PCDHGB2: variants seen among roughly 807,000 people sequenced by gnomAD.
The protein encoded by PCDHGB2 is protocadherin gamma subfamily B, 2, also known as protocadherin gamma-B2.
PCDHGB2 carries 55 observed loss-of-function variants against 59.3 expected under a neutral mutation model. The observed-to-expected ratio is 0.93, with a 90% CI of 0.75 to 1.16. The LOEUF is 1.16. PCDHGB2 is among the 50% of genes most tolerant of loss of function. The pLI, the probability that PCDHGB2 is intolerant of heterozygous loss-of-function variation, is 0.00. For synonymous variants in PCDHGB2, 516 were observed against 512.0 expected, an observed-to-expected ratio of 1.01 and a Z score of -0.11; for missense variants, 1,228 against 1,198.5, an observed-to-expected ratio of 1.02 and a Z score of -0.36.
In PCDHGB2 at chr5:141,406,998, A is replaced by G. The variant is rs138992041; in HGVS notation, c.2421+44442A>G. ...AACATTTCACAAGACATTTGAAAAT[A>G]AGCTTTGAAGTTGACTCAAAATTCT... On this transcript the variant is annotated intron_variant, in intron 1 of 3. Transcript: ENST00000522605. 7.5e-3 allele frequency among the ~76,000 whole-genome samples: 1,140 copies of G among 152,352 alleles called. 5 individuals carry two copies. The highest frequency in any genetic ancestry group is 0.012 in the Non-Finnish European group (837 of 68,024).
intron 1 of PCDHGB2, chr5:141,441,260 A>G (rs1217151195): frequency 1.3e-5 from 2 of 152,222 alleles, no homozygotes; most frequent in Non-Finnish European, 2.9e-5. Context: ...AAATCACAAG[A>G]TCTGGATTCG....
At chr5:141,384,371 T>G (rs1780015620) in intron 1 of PCDHGB2, 2 of 1,613,920 alleles carry the variant, frequency 1.2e-6, no homozygotes, top group Non-Finnish European at 1.7e-6. Context: ...ACTTATTCCT[T>G]GGCCGAAGAC....
Position 141,360,285 on chromosome 5 carries a change from C to A in PCDHGB2, c.150C>A (p.Leu50=). The A allele has an allele frequency of 6.2e-7, 1 of 1,613,972 alleles. No homozygotes were observed. The highest frequency in any genetic ancestry group is 8.5e-7 in the Non-Finnish European group (1 of 1,179,898). Residue 50 remains leucine, a synonymous_variant, in exon 1 of 4, where the codon CTC becomes CTA. Coordinates refer to ENST00000522605, the MANE Select transcript of PCDHGB2 (RefSeq NM_018923.3). ...ELAKNSVVGN[L]AKDLGLSVRD... The stretch of plus-strand genomic sequence containing the variant: ...CCAAAAACTCGGTCGTAGGAAACCT[C>A]GCCAAGGATCTGGGGCTCAGCGTCC...
At chr5:141,366,402 T>C (rs1465149203) in intron 1 of PCDHGB2, 12 of 1,614,168 alleles carry the variant, frequency 7.4e-6, no homozygotes, top group Non-Finnish European at 1.0e-5. Flanking sequence ...GACCTCACAC[T>C]CTATCTTGTG....
At chr5:141,365,060 C>G (rs750087491) in intron 1 of PCDHGB2, 1 of 1,613,874 alleles carries the variant, frequency 6.2e-7, no homozygotes, top group Admixed American at 1.7e-5. Context: ...CCTGTTCACC[C>G]CATCCGAGTA....
intron 1 of PCDHGB2, chr5:141,392,870 G>A (rs757363357): frequency 6.2e-7 from 1 of 1,613,226 alleles, no homozygotes; most frequent in East Asian, 2.2e-5. Flanking sequence ...TGTGCGCGCT[G>A]CTGGGAACGC....
intron 1 of PCDHGB2, among the ~76,000 whole-genome samples, chr5:141,397,268 T>C (rs532503951): frequency 2.0e-5 from 3 of 152,180 alleles, no homozygotes; most frequent in African/African-American, 7.2e-5. Flanking sequence ...CTTAGCTACA[T>C]CATATGGGCA....
At chr5:141,408,974 G>T (rs899313364) in intron 1 of PCDHGB2, 1 of 1,613,690 alleles carries the variant, frequency 6.2e-7, no homozygotes, top group South Asian at 1.1e-5. Flanking sequence ...TCTGCCCCCT[G>T]GGTCCCCTGT....
intron 1 of PCDHGB2, chr5:141,372,483 GC>G (rs762661083): frequency 1.9e-6 from 3 of 1,614,028 alleles, no homozygotes; most frequent in Non-Finnish European, 2.5e-6. Flanking sequence ...AGTGGCGTTG[GC>G]CTTGATCTCA....
chr5:141,413,024 C>A, intron 1 of PCDHGB2: 2 of 736,250 alleles, frequency 2.7e-6, no homozygotes, highest in Non-Finnish European at 4.2e-6. Flanking sequence ...ACAAGCCCCA[C>A]AAACCGGCTG....
chr5:141,432,569 C>T lies in PCDHGB2; in HGVS notation c.2422-62238C>T. The T allele has an allele frequency of 6.2e-7, 1 of 1,613,920 alleles. No homozygotes were observed. On this transcript the variant is annotated intron_variant, in intron 1 of 3. Coordinates refer to ENST00000522605, the MANE Select transcript of PCDHGB2 (RefSeq NM_018923.3). This position sits in a 1 kb window ranked among gnomAD's most constrained non-coding sequence, Gnocchi z 6.0. ...CAGAGACTCCGGCCAGAACGCCTGG[C>T]TGTCCTACCGTCTGCTCAAGGCCAG...
rs529134948 is a variant in PCDHGB2, at chr5:141,368,813, A to C, written c.2421+6257A>C. Among the ~76,000 whole-genome samples, 5 of 152,322 alleles carry C rather than the reference A, an allele frequency of 3.3e-5. No individual in the cohort carries two copies. In the East Asian group the frequency reaches 7.7e-4, roughly 24 times the overall value. ...ATTTTTCATACTAATTGAAGTGTTC[A>C]TACAATGAACACTTGGCATTGTGTT... On this transcript the variant is annotated intron_variant, in intron 1 of 3. Coordinates refer to ENST00000522605, the MANE Select transcript of PCDHGB2 (RefSeq NM_018923.3).
intron 1 of PCDHGB2, chr5:141,375,861 C>T (rs567912144): frequency 1.9e-6 from 3 of 1,613,986 alleles, no homozygotes; most frequent in Middle Eastern, 1.7e-4. Flanking sequence ...AAGGTGGTGG[C>T]GGTGGACAGA....
At chr5:141,450,817 A>T (rs1302552522) in intron 1 of PCDHGB2, among the ~76,000 whole-genome samples, 1 of 137,468 alleles carries the variant, frequency 7.3e-6, no homozygotes, top group Non-Finnish European at 1.5e-5. Context: ...TTTATTTAAT[A>T]TTATTATTAT....
chr5:141,478,428 C>T (rs2154576655), intron 1 of PCDHGB2: 1 of 1,613,746 alleles, frequency 6.2e-7, no homozygotes, highest in Non-Finnish European at 8.5e-7. Flanking sequence ...CGCAGCGACC[C>T]GCTGCTGAAG....
intron 1 of PCDHGB2, chr5:141,418,991 G>A (rs1335937354): frequency 6.2e-7 from 1 of 1,613,836 alleles, no homozygotes. Context: ...AGACTCAGGG[G>A]AAAATGGGGA....
At position 141,485,073 on chromosome 5, in the gene PCDHGB2, C is replaced by T. The variant is rs1167407526; in HGVS notation, c.2422-9734C>T. ...CGGCCGAACCGCGCCAGAGCTGGCG[C>T]GGGGAAAGGGAGATAGGTGTCTCCA... On this transcript the variant is annotated intron_variant, in intron 1 of 3. Transcript: ENST00000522605. The surrounding 1 kb of genome is among the most constrained non-coding windows in gnomAD (Gnocchi z 5.7). 3.3e-6 allele frequency: 3 copies of T among 922,354 alleles called. No homozygotes were observed. The highest frequency in any genetic ancestry group is 4.8e-5 in the East Asian group (2 of 41,404). 57.1% of individuals were successfully genotyped at this position (922,354 alleles called of 1,614,324 possible).
At position 141,395,235 on chromosome 5, in the gene PCDHGB2, C is replaced by T. The variant is rs775441341; in HGVS notation, c.2421+32679C>T. 7 of 1,601,042 alleles carry T rather than the reference C, an allele frequency of 4.4e-6. No homozygotes were observed. In the South Asian group the frequency reaches 7.9e-5, roughly 18 times the overall value. ...ATATAAGAATGAAGCTGATCATGGT[C>T]AGGTGAGTTTAGTTCTTTGCTTGCT... On this transcript the variant is annotated intron_variant, in intron 1 of 3. Transcript: ENST00000522605.
intron 1 of PCDHGB2, among the ~76,000 whole-genome samples, chr5:141,407,088 G>T (rs955657125): frequency 4.6e-5 from 7 of 152,058 alleles, no homozygotes; most frequent in African/African-American, 1.7e-4. Context: ...ATGAAGAATT[G>T]TTTTATTTGT....
Sources: gnomAD v4.1 joint callset for allele counts (sites outside exome capture counted in the v4.1 genomes callset) on GRCh38, gnomAD v4.1.1 for gene constraint, Gnocchi (gnomAD v3.1) non-coding constraint, MANE v1.5 for transcripts, NCBI Gene and HGNC (gene_info 2026-07-23, HGNC 2026-07-21) for gene names.